MDGA2: variants seen among roughly 807,000 people sequenced by gnomAD.
The protein encoded by MDGA2 is MAM domain containing glycosylphosphatidylinositol anchor 2, also known as MAM domain-containing glycosylphosphatidylinositol anchor protein 2.
MDGA2 carries 40 observed loss-of-function variants against 117.8 expected under a neutral mutation model. That is an observed-to-expected ratio of 0.34 (90% CI 0.26 to 0.44). MDGA2 has a LOEUF of 0.44. MDGA2 is among the 20% of genes least tolerant of loss of function. The pLI, the probability that MDGA2 is intolerant of heterozygous loss-of-function variation, is 1.00. For missense variants in MDGA2, 1,123 were observed against 1,250.6 expected, an observed-to-expected ratio of 0.90 and a Z score of 1.54; for synonymous variants, 452 against 439.0, an observed-to-expected ratio of 1.03 and a Z score of -0.37.
At chr14:47,098,554 TTTAATG>T (rs1269712598) in intron 5 of MDGA2, among the ~76,000 whole-genome samples, 1 of 151,858 alleles carries the variant, frequency 6.6e-6, no homozygotes, top group Non-Finnish European at 1.5e-5. Flanking sequence ...CAAAGAGTTA[TTTAATG>T]TTAAACTGAT....
At chr14:46,964,657 G>A (rs1286995952) in intron 8 of MDGA2, among the ~76,000 whole-genome samples, 1 of 152,180 alleles carries the variant, frequency 6.6e-6, no homozygotes, top group East Asian at 1.9e-4. Flanking sequence ...AGGTAGAGAA[G>A]TTTGGAATGA....
At chr14:47,170,300 T>C (rs1199673825) in intron 3 of MDGA2, among the ~76,000 whole-genome samples, 1 of 152,168 alleles carries the variant, frequency 6.6e-6, no homozygotes, top group African/African-American at 2.4e-5. Context: ...GTTTGAAATT[T>C]TGAAATGCTT....
At chr14:47,310,810 G>C (rs1889610058) in intron 1 of MDGA2, among the ~76,000 whole-genome samples, 1 of 152,052 alleles carries the variant, frequency 6.6e-6, no homozygotes, top group African/African-American at 2.4e-5. Context: ...CTTACCTCTT[G>C]CCTTTATGGT....
intron 7 of MDGA2, among the ~76,000 whole-genome samples, chr14:47,050,456 G>A (rs1210762773): frequency 6.6e-6 from 1 of 151,952 alleles, no homozygotes; most frequent in African/African-American, 2.4e-5. Flanking sequence ...TAAATTTGGT[G>A]TTGACATGGG....
chr14:46,993,502 C>T (rs529291180), intron 8 of MDGA2, among the ~76,000 whole-genome samples: 1 of 151,408 alleles, frequency 6.6e-6, no homozygotes, highest in African/African-American at 2.4e-5. Context: ...TGCTCTGTGG[C>T]CCAGGCTGGA....
At chr14:47,103,579 A>G (rs1381258605) in intron 5 of MDGA2, among the ~76,000 whole-genome samples, 14 of 152,262 alleles carry the variant, frequency 9.2e-5, no homozygotes, top group Admixed American at 9.2e-4. Context: ...TTTTTAATGT[A>G]GGAGTAAACT....
At chr14:47,224,369 A>T (rs1421666894) in intron 2 of MDGA2, among the ~76,000 whole-genome samples, 3 of 144,722 alleles carry the variant, frequency 2.1e-5, no homozygotes, top group Non-Finnish European at 3.1e-5. Context: ...CCTTAAATTA[A>T]ATCTGTATTG....
chr14:47,285,887 A>C (rs988534469), intron 2 of MDGA2, among the ~76,000 whole-genome samples: 1 of 152,142 alleles, frequency 6.6e-6, no homozygotes, highest in Admixed American at 6.6e-5. Flanking sequence ...CCAAATTCAC[A>C]GGACTAGAAA....
intron 8 of MDGA2, among the ~76,000 whole-genome samples, chr14:46,981,407 GAA>G (rs377288941): frequency 6.9e-6 from 1 of 145,488 alleles, no homozygotes; most frequent in Admixed American, 6.9e-5. Context: ...CCATCTCCAA[GAA>G]AAAAAAAAGT....
At chr14:46,918,759 T>TC (rs1884000394) in intron 10 of MDGA2, among the ~76,000 whole-genome samples, 1 of 112,906 alleles carries the variant, frequency 8.9e-6, no homozygotes, top group Non-Finnish European at 1.7e-5. Context: ...ATACAGTGTA[T>TC]CTTTTTTTTT....
At chr14:47,636,570 G>C (rs1051957571) in intron 1 of MDGA2, among the ~76,000 whole-genome samples, 1 of 152,034 alleles carries the variant, frequency 6.6e-6, no homozygotes, top group Non-Finnish European at 1.5e-5. Context: ...GATCACCTGA[G>C]GTCAGGAGTT....
chr14:47,127,804 T>G (rs1881981643), intron 5 of MDGA2, among the ~76,000 whole-genome samples: 1 of 152,158 alleles, frequency 6.6e-6, no homozygotes, highest in Admixed American at 6.5e-5. Context: ...GCCAAATTTT[T>G]TTTTTTAATA....
intron 3 of MDGA2, among the ~76,000 whole-genome samples, chr14:47,164,969 G>T (rs1315149618): frequency 6.6e-6 from 1 of 152,106 alleles, no homozygotes; most frequent in Non-Finnish European, 1.5e-5. Flanking sequence ...GATGAAGCTG[G>T]AAACCATCAT....
At chr14:47,335,001 T>C (rs557691934) in intron 1 of MDGA2, among the ~76,000 whole-genome samples, 3 of 151,914 alleles carry the variant, frequency 2.0e-5, no homozygotes, top group Non-Finnish European at 4.4e-5. Flanking sequence ...GTTTGTAAGA[T>C]AGCAGTAAAA....
At chr14:47,420,991 A>G (rs991065376) in intron 1 of MDGA2, among the ~76,000 whole-genome samples, 1 of 152,098 alleles carries the variant, frequency 6.6e-6, no homozygotes, top group African/African-American at 2.4e-5. Context: ...ATAAAACCTG[A>G]GAAATATAGT....
intron 1 of MDGA2, among the ~76,000 whole-genome samples, chr14:47,581,538 G>A (rs1486381002): frequency 6.6e-6 from 1 of 152,004 alleles, no homozygotes; most frequent in Admixed American, 6.6e-5. Context: ...AATACGTACA[G>A]TGCATATTCC....
At chr14:47,182,327 G>A (rs536338546) in intron 3 of MDGA2, among the ~76,000 whole-genome samples, 34 of 152,034 alleles carry the variant, frequency 2.2e-4, no homozygotes, top group Non-Finnish European at 3.2e-4. Context: ...TTAATATGTT[G>A]AAGCCCTAAC....
chr14:47,167,046 T>C (rs998384135), intron 3 of MDGA2, among the ~76,000 whole-genome samples: 1 of 152,096 alleles, frequency 6.6e-6, no homozygotes, highest in African/African-American at 2.4e-5. Context: ...AACAATACTC[T>C]CAAATGTAGA....
intron 4 of MDGA2, among the ~76,000 whole-genome samples, chr14:47,141,296 A>T (rs556866112): frequency 1.3e-5 from 2 of 152,218 alleles, no homozygotes; most frequent in African/African-American, 4.8e-5. Flanking sequence ...ACTGTTGGAT[A>T]GATCCAAAAG....
Sources: allele counts gnomAD v4.1 joint callset (sites outside exome capture counted in the v4.1 genomes callset), GRCh38; gene constraint gnomAD v4.1.1; transcripts MANE v1.5; gene names NCBI Gene and HGNC (gene_info 2026-07-23, HGNC 2026-07-21).